ARMC5: variants seen among roughly 807,000 people sequenced by gnomAD.
The protein encoded by ARMC5 is armadillo repeat-containing protein 5.
A neutral mutation model predicts 60.5 loss-of-function variants in ARMC5; 28 were observed. The ratio of observed to expected loss-of-function variants is 0.46; its 90% CI spans 0.34 to 0.63. ARMC5 has a LOEUF of 0.63. Ranked by LOEUF, ARMC5 falls within the 30% of genes least tolerant of loss-of-function variation. The pLI, the probability that ARMC5 is intolerant of heterozygous loss-of-function variation, is 0.01. For missense variants in ARMC5, 1,189 were observed against 1,304.9 expected, an observed-to-expected ratio of 0.91 and a Z score of 1.37; for synonymous variants, 680 against 607.3, an observed-to-expected ratio of 1.12 and a Z score of -1.76.
Position 31,466,606 on chromosome 16 carries a change from T to C in ARMC5, c.2525T>C (p.Phe842Ser), listed in dbSNP as rs1460881331. The change falls in exon 6 of 6, where the codon TTC (phenylalanine) becomes TCC (serine). Residue 842 changes from phenylalanine to serine, a missense_variant. By Grantham distance (155) the Phe-to-Ser change is radical. Transcript: ENST00000268314. This position sits in a 1 kb window ranked among gnomAD's most constrained non-coding sequence, Gnocchi z 8.0. ...GAGGCACTGGAGGCTGCTGGCCGTT[T>C]CCTACTGCCTGGGCTGGAGGAGGAG... ...AEEALEAAGR[F>S]LLPGLEEELE... The C allele has an allele frequency of 6.2e-7, 1 of 1,606,100 alleles. No homozygotes were observed.
Position 31,466,075 on chromosome 16 carries a change from G to A in ARMC5, c.1998-4G>A, listed in dbSNP as rs1413594420. 1 of 1,597,248 alleles carries A rather than the reference G, an allele frequency of 6.3e-7. No homozygotes were observed. The highest frequency in any genetic ancestry group is 2.2e-5 in the East Asian group (1 of 44,858). On this transcript the variant is annotated splice_polypyrimidine_tract_variant and splice_region_variant and intron_variant, in intron 5 of 5. Transcript: ENST00000268314. This position sits in a 1 kb window ranked among gnomAD's most constrained non-coding sequence, Gnocchi z 8.0. ...CCTTTTGAAAGGCCCTCTCTTCCCT[G>A]TAGGAAGCCCTCTCTGTGGCGCCGG...
intron 4 of ARMC5, 139 bp from the exon 5 acceptor site, chr16:31,465,711 C>T (rs2082350667): frequency 6.7e-7 from 1 of 1,496,500 alleles, no homozygotes; most frequent in Admixed American, 2.5e-5. Context: ...GCGTCCCGAG[C>T]CCAGCACTGT....
chr16:31,464,987 C>G lies in ARMC5; in HGVS notation c.1864+100C>G, dbSNP rs368726142. On this transcript the variant is annotated intron_variant, in intron 4 of 5. Transcript: ENST00000268314. This position sits in a 1 kb window ranked among gnomAD's most constrained non-coding sequence, Gnocchi z 7.6. ...GAACCTCACCTTCCCACTCACCTGT[C>G]CTCCCCAGCCCGTCCTCCAGACAAC... is the stretch of plus-strand genomic sequence containing the variant. 3.1e-6 allele frequency: 5 copies of G among 1,610,706 alleles called. No individual in the cohort carries two copies. The highest frequency in any genetic ancestry group is 4.2e-6 in the Non-Finnish European group (5 of 1,177,732).
At chr16:31,458,326 C>T, upstream of ARMC5, 9 of 1,377,828 alleles carry the variant, frequency 6.5e-6, no homozygotes, top group Non-Finnish European at 9.0e-6. Context: ...TGTGAGCGCG[C>T]TGGTGCTGGA....
At chr16:31,459,415 T>G, upstream of ARMC5, 4 of 1,538,688 alleles carry the variant, frequency 2.6e-6, no homozygotes, top group East Asian at 2.4e-5. Context: ...ATCACTGCGG[T>G]GGCGCTAAAC....
chr16:31,458,477 A>G (rs2082266092), upstream of ARMC5: 1 of 1,535,754 alleles, frequency 6.5e-7, no homozygotes, highest in Non-Finnish European at 8.7e-7. Context: ...CCACATCGGA[A>G]GCTTCTGCCA....
chr16:31,466,711 G>T lies in ARMC5; in HGVS notation c.2630G>T (p.Arg877Leu). 1 of 1,557,214 alleles carries T rather than the reference G, an allele frequency of 6.4e-7. No homozygotes were observed. ...ESVGEVFRLG[R>L]PRLAAHCARW... ...GTGGGTGAGGTGTTCCGCCTGGGCC[G>T]GCCCCGGCTGGCTGCCCACTGTGCC... Residue 877 changes from arginine to leucine, a missense_variant, in exon 6 of 6, where the codon CGG becomes CTG. Transcript: ENST00000268314. This position sits in a 1 kb window ranked among gnomAD's most constrained non-coding sequence, Gnocchi z 8.0.
chr16:31,461,857 T>C, intron 1 of ARMC5, 65 bp from the exon 2 acceptor site: 2 of 1,469,142 alleles, frequency 1.4e-6, no homozygotes, highest in South Asian at 1.1e-5. Flanking sequence ...GGCCACATTC[T>C]CCAGGTTATT....
At chr16:31,465,824 C>T (rs1013164834) in intron 4 of ARMC5, 26 bp from the exon 5 acceptor site, 12 of 1,606,638 alleles carry the variant, frequency 7.5e-6, no homozygotes, top group African/African-American at 4.0e-5. Flanking sequence ...CCCCAGTTCC[C>T]AGCCTGACAA....
chr16:31,465,055 C>G (rs201191448), intron 4 of ARMC5, 168 bp downstream of exon 4: 8 of 1,613,770 alleles, frequency 5.0e-6, no homozygotes, highest in Admixed American at 3.3e-5. Context: ...TCCAGTCCCT[C>G]CATGGGCCCA....
In ARMC5 at chr16:31,464,703, C is replaced by G. The variant is rs1418759102; in HGVS notation, c.1680C>G (p.Gly560=). The G allele has an allele frequency of 1.3e-6, 2 of 1,598,680 alleles. No homozygotes were observed. The highest frequency in any genetic ancestry group is 2.2e-5 in the South Asian group (2 of 90,978). ...GLLTYVTGAP[G]PPSPRALRIL... ...TGACCTATGTGACCGGCGCACCGGG[C>G]CCGCCCAGCCCACGTGCACTGCGCA... Residue 560 remains glycine (G), a synonymous_variant, in exon 4 of 6, where the codon GGC becomes GGG. Coordinates refer to ENST00000268314, the MANE Select transcript of ARMC5 (RefSeq NM_001105247.2). This position sits in a 1 kb window ranked among gnomAD's most constrained non-coding sequence, Gnocchi z 7.6.
At chr16:31,463,990 C>A (rs1188436876) in intron 3 of ARMC5, among the ~76,000 whole-genome samples, 1 of 152,140 alleles carries the variant, frequency 6.6e-6, no homozygotes, top group Non-Finnish European at 1.5e-5. Flanking sequence ...CTGGCTTTAC[C>A]TCCCTCCAAG....
chr16:31,459,333 C>A, upstream of ARMC5: 1 of 1,535,258 alleles, frequency 6.5e-7, no homozygotes, highest in Non-Finnish European at 8.7e-7. Context: ...GGATGCGCTG[C>A]GATTAAGGTA....
intron 1 of ARMC5, among the ~76,000 whole-genome samples, chr16:31,461,015 T>C (rs1430796403): frequency 6.6e-6 from 1 of 152,228 alleles, no homozygotes; most frequent in African/African-American, 2.4e-5. Context: ...GGACCATATA[T>C]GTTTGACAAG....
rs1434182756 is a variant in ARMC5 at position 31,466,316 on chromosome 16, C to G, written c.2235C>G (p.Val745=). Residue 745 remains valine, a synonymous_variant, in exon 6 of 6, where the codon GTC becomes GTG. Coordinates refer to ENST00000268314, the MANE Select transcript of ARMC5 (RefSeq NM_001105247.2). This position sits in a 1 kb window ranked among gnomAD's most constrained non-coding sequence, Gnocchi z 8.0. ...LYEPLLGPAP[V]PAPDLHFLLD... ...AACCTCTGCTGGGCCCAGCCCCTGT[C>G]CCAGCTCCCGACCTGCACTTCCTGC... is the stretch of plus-strand genomic sequence containing the variant. The G allele has an allele frequency of 6.2e-7, 1 of 1,613,806 alleles. No homozygotes were observed. Among genetic ancestry groups the G allele is most frequent in the Admixed American group, 1.7e-5 (1 of 60,026 alleles).
At position 31,462,903 on chromosome 16, in the gene ARMC5, C is replaced by T. The variant is rs534028670; in HGVS notation, c.1356C>T (p.Ser452=). 7 of 1,594,420 alleles carry T rather than the reference C, an allele frequency of 4.4e-6. No individual in the cohort carries two copies. The highest frequency in any genetic ancestry group is 6.0e-6 in the Non-Finnish European group (7 of 1,170,256). The change falls in exon 3 of 6, where the codon AGC becomes AGT. Residue 452 remains serine, a synonymous_variant. Transcript: ENST00000268314. This position sits in a 1 kb window ranked among gnomAD's most constrained non-coding sequence, Gnocchi z 7.2. ...ERTPERAQGG[S]FRSLRSWLIS... is the part of the protein sequence containing the mutation. ...CCCCTGAGCGGGCACAGGGTGGAAG[C>T]TTCCGGAGCCTCAGGTGAGTCCCTG...
chr16:31,459,085 G>C (rs2082273290), upstream of ARMC5: 1 of 1,488,460 alleles, frequency 6.7e-7, no homozygotes, highest in African/African-American at 1.4e-5. Context: ...TCCGTCCCAA[G>C]GCCGGGCCGC....
chr16:31,465,913 C>A lies in ARMC5; in HGVS notation c.1928C>A (p.Thr643Lys), dbSNP rs370836071. 1 of 1,608,780 alleles carries A rather than the reference C, an allele frequency of 6.2e-7. No individual in the cohort carries two copies. The highest frequency in any genetic ancestry group is 8.5e-7 in the Non-Finnish European group (1 of 1,179,844). Residue 643 changes from threonine to lysine, a missense_variant, in exon 5 of 6, where the codon ACG becomes AAG. Transcript: ENST00000268314. ...AESPFGVGAL[T>K]HLLLSGSPED... ...TCGCCCTTTGGGGTTGGGGCCCTGA[C>A]GCACCTGCTGCTCTCTGGGAGCCCT... is the stretch of plus-strand genomic sequence containing the variant.
At chr16:31,459,191 G>A (rs1263832824), upstream of ARMC5, 1 of 1,522,408 alleles carries the variant, frequency 6.6e-7, no homozygotes. Context: ...AGGCTCCGTG[G>A]TCGGACTTCT....
Sources: allele counts gnomAD v4.1 joint callset (sites outside exome capture counted in the v4.1 genomes callset), GRCh38; gene constraint gnomAD v4.1.1; non-coding constraint Gnocchi (gnomAD v3.1); transcripts MANE v1.5; gene names NCBI Gene and HGNC (gene_info 2026-07-23, HGNC 2026-07-21).